RELCH: variants seen among roughly 807,000 people sequenced by gnomAD.
RELCH encodes RAB11-binding protein RELCH.
RELCH carries 41 observed loss-of-function variants against 150.3 expected under a neutral mutation model. The ratio of observed to expected loss-of-function variants is 0.27; its 90% confidence interval spans 0.21 to 0.35. The LOEUF (loss-of-function observed/expected upper bound fraction) is 0.35. RELCH is among the 10% of genes least tolerant of loss of function. RELCH has a pLI of 1.00. For missense variants in RELCH, 1,092 were observed against 1,467.8 expected, an observed-to-expected ratio of 0.74 and a Z score of 4.18; for synonymous variants, 478 against 531.8, an observed-to-expected ratio of 0.90 and a Z score of 1.39.
At chr18:62,302,902 G>C (rs937957621) in intron 28 of RELCH, among the ~76,000 whole-genome samples, 1 of 152,168 alleles carries the variant, frequency 6.6e-6, no homozygotes, top group Non-Finnish European at 1.5e-5. Flanking sequence ...AGGGATATTA[G>C]TTGCAAAGAA....
chr18:62,226,675 CAAAGT>C (rs1265584713), intron 5 of RELCH, among the ~76,000 whole-genome samples: 1 of 151,466 alleles, frequency 6.6e-6, no homozygotes, highest in African/African-American at 2.4e-5. Context: ...TAATATAAAA[CAAAGT>C]AAAGAGAGTT....
chr18:62,304,231 T>C (rs1013305685), intron 28 of RELCH, among the ~76,000 whole-genome samples: 6 of 152,262 alleles, frequency 3.9e-5, no homozygotes, highest in African/African-American at 1.4e-4. Flanking sequence ...AGAGTAAGTT[T>C]TATAATTGAA....
intron 1 of RELCH, among the ~76,000 whole-genome samples, chr18:62,208,602 A>G (rs1181695826): frequency 2.6e-5 from 4 of 151,970 alleles, no homozygotes; most frequent in Non-Finnish European, 5.9e-5. Context: ...TTAATTTGTC[A>G]CTCAGGTACT....
intron 1 of RELCH, among the ~76,000 whole-genome samples, chr18:62,198,069 T>C (rs938448747): frequency 1.3e-5 from 2 of 152,206 alleles, no homozygotes; most frequent in African/African-American, 4.8e-5. Context: ...TGACAAACCA[T>C]AGCACCACAC....
chr18:62,212,985 A>G (rs1048375697), intron 2 of RELCH, among the ~76,000 whole-genome samples: 5 of 152,222 alleles, frequency 3.3e-5, no homozygotes, highest in Admixed American at 1.3e-4. Flanking sequence ...GGAAATCACT[A>G]GAATAGTTTA....
In RELCH at chr18:62,279,985, T is replaced by G; in HGVS notation, c.3050+129T>G. 3 of 647,406 alleles carry G rather than the reference T, an allele frequency of 4.6e-6. No homozygotes were observed. The South Asian group carries it at 6.0e-5, about 13-fold the overall frequency. The allele number at this position is 647,406 out of a possible 1,614,324, so 40.1% of individuals were successfully genotyped here. A position where few individuals can be genotyped will look rare whatever the true frequency, so the allele number is the denominator to read the frequency against. On this transcript the variant is annotated intron_variant, in intron 23 of 28. Transcript: ENST00000644646. ...ATAATACTGGATTATGCTTATTTGA[T>G]TTTAAACTTTATCACATTATTCTTT... is the stretch of plus-strand genomic sequence containing the variant.
chr18:62,213,251 A>G (rs549294344), intron 2 of RELCH, among the ~76,000 whole-genome samples: 30 of 152,244 alleles, frequency 2.0e-4, no homozygotes, highest in African/African-American at 7.0e-4. Context: ...ATTGTTACAT[A>G]TTAAAAAATA....
intron 25 of RELCH, chr18:62,285,493 T>A (rs2044744002): frequency 6.6e-6 from 1 of 152,208 alleles, no homozygotes; most frequent in South Asian, 2.1e-4. Flanking sequence ...TGGTGCCACG[T>A]GTCTATAGTC....
intron 1 of RELCH, among the ~76,000 whole-genome samples, chr18:62,190,753 C>T (rs1362977793): frequency 6.6e-6 from 1 of 152,022 alleles, no homozygotes; most frequent in Non-Finnish European, 1.5e-5. Flanking sequence ...AATGCTTTGC[C>T]GTGGCTGCTG....
intron 2 of RELCH, among the ~76,000 whole-genome samples, chr18:62,220,188 T>G (rs140241860): frequency 6.6e-6 from 1 of 152,222 alleles, no homozygotes; most frequent in Non-Finnish European, 1.5e-5. Flanking sequence ...ACAAATCTAT[T>G]AGAAGAGTTA....
chr18:62,264,461 G>C (rs984037197), intron 17 of RELCH, among the ~76,000 whole-genome samples: 2 of 152,040 alleles, frequency 1.3e-5, no homozygotes, highest in African/African-American at 2.4e-5. Context: ...TGAAGCATCA[G>C]ATCCATAGAT....
At chr18:62,242,875 C>G (rs138127993) in intron 10 of RELCH, among the ~76,000 whole-genome samples, 128 of 152,046 alleles carry the variant, frequency 8.4e-4, no homozygotes, top group African/African-American at 3.0e-3. Flanking sequence ...TAGCAGCTAT[C>G]TTACCTTCAT....
Position 62,210,201 on chromosome 18 carries a change from T to C in RELCH, c.527-952T>C, listed in dbSNP as rs370655923. On this transcript the variant is annotated intron_variant, in intron 1 of 28. Transcript: ENST00000644646. ...TTTAATATTTTCTCTAAATTTTTGG[T>C]TTTTCGCTATTTGATTAATAGGTGC... Among the ~76,000 whole-genome samples, 23 of 152,276 alleles carry C rather than the reference T, an allele frequency of 1.5e-4. 2 individuals carry two copies. Among genetic ancestry groups the C allele is most frequent in the African/African-American group, 5.5e-4 (23 of 41,560 alleles).
chr18:62,257,037 C>A (rs2043023393), intron 13 of RELCH, among the ~76,000 whole-genome samples: 1 of 152,086 alleles, frequency 6.6e-6, no homozygotes, highest in Admixed American at 6.6e-5. Flanking sequence ...CCTTGCTCTA[C>A]ATACCAAATC....
intron 20 of RELCH, among the ~76,000 whole-genome samples, chr18:62,270,414 A>C (rs1028294554): frequency 1.3e-5 from 2 of 152,154 alleles, no homozygotes; most frequent in African/African-American, 2.4e-5. Context: ...TAAGTAAATA[A>C]CATATGATGT....
In RELCH at chr18:62,264,119, G is replaced by T; in HGVS notation, c.2481G>T (p.Glu827Asp). Residue 827 changes from glutamate to aspartate, a missense_variant, in exon 17 of 29, where the codon GAG (glutamate) becomes GAT (aspartate). Coordinates refer to ENST00000644646, the MANE Select transcript of RELCH (RefSeq NM_001346231.2). ...AACAAGAGGGTACAACAGGCTGGGA[G>T]AGTTTACTGTGGGTTGTCAATCAAT... The part of the protein sequence containing the change: ...QLEQEGTTGW[E>D]SLLWVVNQLL... 1 of 1,602,112 alleles carries T rather than the reference G, an allele frequency of 6.2e-7. No homozygotes were observed.
At chr18:62,281,438 C>A (rs1475559154) in intron 24 of RELCH, among the ~76,000 whole-genome samples, 2 of 152,174 alleles carry the variant, frequency 1.3e-5, no homozygotes, top group African/African-American at 4.8e-5. Context: ...CAGAGTAGAT[C>A]TCTGGGCAGA....
chr18:62,301,201 AC>A, intron 28 of RELCH, among the ~76,000 whole-genome samples: 1 of 152,178 alleles, frequency 6.6e-6, no homozygotes, highest in African/African-American at 2.4e-5. Flanking sequence ...GTGTTTGGGA[AC>A]TGTAAGTAAA....
Position 62,188,473 on chromosome 18 carries a change from G to A in RELCH, c.526+442G>A, listed in dbSNP as rs144905237. Among the ~76,000 whole-genome samples the A allele has an allele frequency of 5.7e-3, 864 of 152,338 alleles. 5 individuals carry two copies. The highest frequency in any genetic ancestry group is 0.024 in the Middle Eastern group (7 of 294). On this transcript the variant is annotated intron_variant, in intron 1 of 28. Coordinates refer to ENST00000644646, the MANE Select transcript of RELCH (RefSeq NM_001346231.2). ...GAGAGAAAGAATAGGACACACTGCTGCTGTCTCCGAAAAGTCAGATGTACT... is the reference window on the plus strand; with the variant it reads ...GAGAGAAAGAATAGGACACACTGCTACTGTCTCCGAAAAGTCAGATGTACT...
Sources: gnomAD v4.1 joint callset for allele counts (sites outside exome capture counted in the v4.1 genomes callset) on GRCh38, gnomAD v4.1.1 for gene constraint, MANE v1.5 for transcripts, NCBI Gene and HGNC (gene_info 2026-07-23, HGNC 2026-07-21) for gene names.